The following THADA variants were observed in gnomAD, a reference collection of about 807,000 sequenced individuals.
The protein encoded by THADA is tRNA (32-2'-O)-methyltransferase regulator THADA.
In THADA, 213 loss-of-function variants were observed where a neutral mutation model predicts 219.8. That is an observed-to-expected ratio of 0.97 (90% confidence interval 0.87 to 1.09). THADA has a LOEUF of 1.09. Ranked by LOEUF, THADA falls within the 50% of genes least tolerant of loss-of-function variation. THADA has a pLI of 0.00. For missense variants in THADA, 2,956 were observed against 2,311.3 expected (o/e 1.28, Z -5.72); for synonymous variants, 1,018 against 828.9 (o/e 1.23, Z -3.92).
chr2:43,468,416 ATAAC>A (rs1240581192), intron 26 of THADA, among the ~76,000 whole-genome samples: 2 of 152,222 alleles, frequency 1.3e-5, no homozygotes, highest in African/African-American at 4.8e-5. Flanking sequence ...TTTCTACTGA[ATAAC>A]TAACTCCATT....
chr2:43,425,223 A>G (rs1044845090), intron 28 of THADA, among the ~76,000 whole-genome samples: 3 of 152,176 alleles, frequency 2.0e-5, no homozygotes, highest in Admixed American at 2.0e-4. Flanking sequence ...AATGAGGGTG[A>G]TAACACCTCT....
intron 7 of THADA, among the ~76,000 whole-genome samples, chr2:43,584,374 C>A (rs1229276102): frequency 6.6e-6 from 1 of 151,778 alleles, no homozygotes; most frequent in Non-Finnish European, 1.5e-5. Context: ...TGGCTGACAC[C>A]AAAGTGGACA....
In THADA at chr2:43,293,013, G is replaced by C. The variant is rs1223314622; in HGVS notation, c.4639C>G (p.Gln1547Glu). ...TCAGGGAAGGCAGATTCTAACAGCT[G>C]AGAGAAAGAGATGGGGACATTCGTC... ...RETNVPISFS[Q>E]LLESAFPEVR... is the part of the protein sequence containing the mutation. Residue 1547 changes from glutamine (Q) to glutamate (E), a missense_variant, in exon 32 of 38, where the codon CAG (glutamine) becomes GAG (glutamate). By Grantham distance (29) the Gln-to-Glu change is conservative. Coordinates refer to ENST00000405975, the MANE Select transcript of THADA (RefSeq NM_022065.5). The C allele has an allele frequency of 6.2e-7, 1 of 1,613,984 alleles. No homozygotes were observed. The highest frequency in any genetic ancestry group is 8.5e-7 in the Non-Finnish European group (1 of 1,179,872).
At position 43,315,479 on chromosome 2, in the gene THADA, T is replaced by TA. The variant is rs1157906885; in HGVS notation, c.4438+4966dup. Among the ~76,000 whole-genome samples, 9 of 152,234 alleles carry TA rather than the reference T, an allele frequency of 5.9e-5. No homozygotes were observed. The East Asian group carries it at 1.7e-3, about 29-fold the overall frequency. On this transcript the variant is annotated intron_variant, in intron 31 of 37. Transcript: ENST00000405975. ...TTTTTTTTCTTTTTTTTCTTTTTTTTAGAGACAGGATCTTGCTCTGTCACC... is the reference window on the plus strand; with the variant it reads ...TTTTTTTTCTTTTTTTTCTTTTTTTTAAGAGACAGGATCTTGCTCTGTCACC...
intron 26 of THADA, among the ~76,000 whole-genome samples, chr2:43,442,489 AG>A: frequency 6.6e-6 from 1 of 152,220 alleles, no homozygotes; most frequent in African/African-American, 2.4e-5. Context: ...TTGAAAAATT[AG>A]TAAGACTGGA....
intron 29 of THADA, among the ~76,000 whole-genome samples, chr2:43,373,911 C>T (rs1671081620): frequency 6.6e-6 from 1 of 152,188 alleles, no homozygotes; most frequent in Admixed American, 6.5e-5. Flanking sequence ...TAAATAAAAT[C>T]TTACATGCAT....
At chr2:43,489,239 G>A (rs1687306378) in intron 25 of THADA, among the ~76,000 whole-genome samples, 1 of 152,102 alleles carries the variant, frequency 6.6e-6, no homozygotes, top group Non-Finnish European at 1.5e-5. Context: ...GGAGTGCAGT[G>A]GTGTAATCAT....
At chr2:43,554,419 T>C (rs1697111240) in intron 17 of THADA, among the ~76,000 whole-genome samples, 1 of 152,100 alleles carries the variant, frequency 6.6e-6, no homozygotes, top group Non-Finnish European at 1.5e-5. Flanking sequence ...GTAAAAACAG[T>C]AAATTATTAT....
At chr2:43,308,623 G>A (rs1260152069) in intron 31 of THADA, among the ~76,000 whole-genome samples, 2 of 151,860 alleles carry the variant, frequency 1.3e-5, no homozygotes, top group South Asian at 4.1e-4. Flanking sequence ...GATTTCCTAA[G>A]CCCAGGAGTT....
At chr2:43,548,129 A>G (rs1696281723) in intron 20 of THADA, among the ~76,000 whole-genome samples, 1 of 152,166 alleles carries the variant, frequency 6.6e-6, no homozygotes, top group South Asian at 2.1e-4. Flanking sequence ...CTAGAGGTCC[A>G]CTCCAGACCC....
chr2:43,576,046 T>C (rs923911256), intron 10 of THADA, among the ~76,000 whole-genome samples: 1 of 152,210 alleles, frequency 6.6e-6, no homozygotes, highest in East Asian at 1.9e-4. Flanking sequence ...GAAACTTTTA[T>C]AGTTTTAAAA....
chr2:43,546,891 T>C (rs1451190117), intron 20 of THADA, among the ~76,000 whole-genome samples: 5 of 152,118 alleles, frequency 3.3e-5, no homozygotes, highest in African/African-American at 1.2e-4. Context: ...AATATTGTTA[T>C]GTGTGAATTT....
At chr2:43,276,634 T>C (rs1022540598) in intron 36 of THADA, among the ~76,000 whole-genome samples, 3 of 152,126 alleles carry the variant, frequency 2.0e-5, no homozygotes, top group African/African-American at 7.2e-5. Flanking sequence ...ATAGCTGTGC[T>C]GCGTTCTGAG....
intron 31 of THADA, among the ~76,000 whole-genome samples, chr2:43,305,971 TTCTCTC>T (rs139495565): frequency 1.3e-3 from 135 of 105,486 alleles, no homozygotes; most frequent in African/African-American, 4.5e-3. Context: ...CCTCCCTCCC[TTCTCTC>T]TCTCTCTCTC....
intron 21 of THADA, among the ~76,000 whole-genome samples, chr2:43,540,561 G>A (rs1695163853): frequency 6.6e-6 from 1 of 152,124 alleles, no homozygotes; most frequent in African/African-American, 2.4e-5. Flanking sequence ...AAAACCATAT[G>A]GAAAGGAAGA....
At chr2:43,374,471 C>T (rs935776058) in intron 29 of THADA, among the ~76,000 whole-genome samples, 2 of 152,050 alleles carry the variant, frequency 1.3e-5, no homozygotes, top group Non-Finnish European at 2.9e-5. Context: ...AGAGTTAGTG[C>T]AATAGAAGTG....
At chr2:43,371,069 TTTCTTTTTC>T (rs1670747642) in intron 29 of THADA, among the ~76,000 whole-genome samples, 5 of 152,298 alleles carry the variant, frequency 3.3e-5, no homozygotes, top group African/African-American at 1.2e-4. Context: ...CCCACAACAT[TTTCTTTTTC>T]AGCCTCTGGA....
chr2:43,486,517 G>A (rs1249742118), intron 25 of THADA: 1 of 152,148 alleles, frequency 6.6e-6, no homozygotes, highest in East Asian at 1.9e-4. Flanking sequence ...TGGTATTACA[G>A]ACCTTATACT....
At chr2:43,585,564 AT>A (rs1390151947) in intron 7 of THADA, among the ~76,000 whole-genome samples, 1,522 of 151,450 alleles carry the variant, frequency 0.01, 23 homozygotes, top group African/African-American at 0.034. Context: ...AGATAGATAG[AT>A]AGATAGATAG....
Sources: gnomAD v4.1 joint callset for allele counts (sites outside exome capture counted in the v4.1 genomes callset) on GRCh38, gnomAD v4.1.1 for gene constraint, MANE v1.5 for transcripts, NCBI Gene and HGNC (gene_info 2026-07-23, HGNC 2026-07-21) for gene names.